MECOM: variants seen among roughly 807,000 people sequenced by gnomAD.
The protein encoded by MECOM is histone-lysine N-methyltransferase MECOM.
A neutral mutation model predicts 116.3 loss-of-function variants in MECOM; 13 were observed. That is an observed-to-expected ratio of 0.11 (90% CI 0.07 to 0.18). MECOM has a LOEUF of 0.18. Ranked by LOEUF, MECOM falls within the 10% of genes least tolerant of loss-of-function variation. MECOM has a pLI of 1.00. For missense variants in MECOM, 1,299 were observed against 1,509.0 expected, an observed-to-expected ratio of 0.86 and a Z score of 2.31; for synonymous variants, 528 against 535.2, an observed-to-expected ratio of 0.99 and a Z score of 0.19.
chr3:169,329,942 C>A (rs1013003912), intron 2 of MECOM, among the ~76,000 whole-genome samples: 2 of 152,178 alleles, frequency 1.3e-5, no homozygotes, highest in African/African-American at 4.8e-5. Flanking sequence ...GAAGTATCCA[C>A]AAAGTGTTTT....
chr3:169,363,456 C>A (rs368868402), intron 2 of MECOM, among the ~76,000 whole-genome samples: 8 of 151,910 alleles, frequency 5.3e-5, no homozygotes, highest in African/African-American at 1.9e-4. Context: ...TTCTGGCTAA[C>A]AACACGTGCG....
chr3:169,204,564 C>T (rs918236679), intron 2 of MECOM, among the ~76,000 whole-genome samples: 1 of 152,096 alleles, frequency 6.6e-6, no homozygotes, highest in Non-Finnish European at 1.5e-5. Context: ...CTATAGTAGA[C>T]CTAATGTAAA....
intron 1 of MECOM, among the ~76,000 whole-genome samples, chr3:169,470,666 C>T (rs1250706954): frequency 3.9e-5 from 6 of 152,098 alleles, no homozygotes; most frequent in African/African-American, 1.4e-4. Flanking sequence ...TGTCACAGTG[C>T]TTGATGTGAA....
intron 2 of MECOM, among the ~76,000 whole-genome samples, chr3:169,291,127 A>G (rs1282969331): frequency 1.3e-5 from 2 of 152,140 alleles, no homozygotes; most frequent in East Asian, 3.9e-4. Context: ...GTCGAAGCTC[A>G]TTTCATATTA....
At chr3:169,645,649 C>A (rs537452700) in intron 1 of MECOM, among the ~76,000 whole-genome samples, 1 of 152,184 alleles carries the variant, frequency 6.6e-6, no homozygotes, top group Non-Finnish European at 1.5e-5. Flanking sequence ...TCATCTATTG[C>A]GGCTACAAAG....
In MECOM at chr3:169,275,174, C is replaced by T. The variant is rs148247198; in HGVS notation, c.375+106013G>A. 3.3e-5 allele frequency among the ~76,000 whole-genome samples: 5 copies of T among 152,274 alleles called. No homozygotes were observed. The East Asian group carries it at 9.6e-4, about 29-fold the overall frequency. On this transcript the variant is annotated intron_variant, in intron 2 of 16. Coordinates refer to ENST00000651503, the MANE Select transcript of MECOM (RefSeq NM_004991.4). The stretch of plus-strand genomic sequence containing the variant: ...ATGTACTTATATGGAGAAATGCTTA[C>T]CATAGGACCTGCTAAAATAGTATGA...
intron 2 of MECOM, among the ~76,000 whole-genome samples, chr3:169,360,549 C>CA (rs1322070954): frequency 6.6e-6 from 1 of 151,544 alleles, no homozygotes; most frequent in Non-Finnish European, 1.5e-5. Flanking sequence ...AATGACTGTA[C>CA]AAAAAGATTA....
At chr3:169,208,839 A>G (rs1391444495) in intron 2 of MECOM, among the ~76,000 whole-genome samples, 1 of 151,628 alleles carries the variant, frequency 6.6e-6, no homozygotes, top group East Asian at 1.9e-4. Flanking sequence ...AGAAAAAACT[A>G]CTTTAAATTT....
At chr3:169,322,860 T>C (rs978892999) in intron 2 of MECOM, among the ~76,000 whole-genome samples, 9 of 151,498 alleles carry the variant, frequency 5.9e-5, no homozygotes, top group East Asian at 1.9e-4. Flanking sequence ...TAGCCAGCCA[T>C]GTTGGCATAC....
At chr3:169,174,176 C>T (rs112112433) in intron 2 of MECOM, among the ~76,000 whole-genome samples, 12 of 152,206 alleles carry the variant, frequency 7.9e-5, no homozygotes, top group African/African-American at 1.4e-4. Context: ...TGGAAGTCTA[C>T]GTATTATTTT....
chr3:169,596,707 A>C (rs1767186289), intron 1 of MECOM, among the ~76,000 whole-genome samples: 1 of 151,506 alleles, frequency 6.6e-6, no homozygotes, highest in African/African-American at 2.4e-5. Flanking sequence ...AAAACATTAA[A>C]ACTAAAAAAA....
chr3:169,650,789 C>T (rs1045141952), intron 1 of MECOM, among the ~76,000 whole-genome samples: 8 of 151,978 alleles, frequency 5.3e-5, no homozygotes, highest in African/African-American at 7.3e-5. Flanking sequence ...TTTCATATTC[C>T]TTTGGGTCCT....
At chr3:169,345,253 C>G (rs1308926883) in intron 2 of MECOM, among the ~76,000 whole-genome samples, 2 of 151,986 alleles carry the variant, frequency 1.3e-5, no homozygotes, top group Non-Finnish European at 2.9e-5. Context: ...TATTGCATAA[C>G]AAATATACGA....
intron 2 of MECOM, among the ~76,000 whole-genome samples, chr3:169,203,325 G>T (rs530176393): frequency 6.6e-5 from 10 of 152,182 alleles, no homozygotes; most frequent in African/African-American, 2.4e-4. Context: ...TACCACAGTG[G>T]AAAGAACGTG....
rs1356109784 is a variant in MECOM at position 169,191,728 on chromosome 3, GA to G, written c.376-47897del. Among the ~76,000 whole-genome samples, 116 of 34,160 alleles carry G rather than the reference GA, an allele frequency of 3.4e-3. 4 individuals are homozygous for G. The highest frequency in any genetic ancestry group is 7.5e-3 in the African/African-American group (115 of 15,304). 22.4% of individuals were successfully genotyped at this position (34,160 alleles called of 152,430 possible). A position where few individuals can be genotyped will look rare whatever the true frequency, so the allele number is the denominator to read the frequency against. ...AGAAAGAAAGAAAGAAAAAAAGAAA[GA>G]AAGAAAGAAAGAGAAAGAAAGAAAG... On this transcript the variant is annotated intron_variant, in intron 2 of 16. Coordinates refer to ENST00000651503, the MANE Select transcript of MECOM (RefSeq NM_004991.4).
intron 2 of MECOM, among the ~76,000 whole-genome samples, chr3:169,264,078 G>A (rs1277644156): frequency 6.6e-6 from 1 of 152,182 alleles, no homozygotes; most frequent in Non-Finnish European, 1.5e-5. Context: ...CTAGGTTCAG[G>A]ATGTATGTCC....
chr3:169,121,354 C>T (rs888831338), intron 6 of MECOM, 145 bp from the exon 7 acceptor site: 2 of 759,116 alleles, frequency 2.6e-6, no homozygotes, highest in African/African-American at 3.5e-5. Flanking sequence ...CCTCTAATTT[C>T]CAAAATGTAC....
chr3:169,570,498 C>A (rs1415540456), intron 1 of MECOM, among the ~76,000 whole-genome samples: 4 of 152,128 alleles, frequency 2.6e-5, no homozygotes, highest in African/African-American at 4.8e-5. Context: ...ACGAGGCCAG[C>A]ATCATCCTAA....
At chr3:169,407,795 G>A (rs1736932214) in intron 1 of MECOM, among the ~76,000 whole-genome samples, 1 of 152,186 alleles carries the variant, frequency 6.6e-6, no homozygotes, top group Non-Finnish European at 1.5e-5. Context: ...AAGGAATTCA[G>A]GCATTAGGAG....
Sources: gnomAD v4.1 joint callset for allele counts (sites outside exome capture counted in the v4.1 genomes callset) on GRCh38, gnomAD v4.1.1 for gene constraint, MANE v1.5 for transcripts, NCBI Gene and HGNC (gene_info 2026-07-23, HGNC 2026-07-21) for gene names.